Variants in HELZ observed in about 807,000 individuals in gnomAD.
HELZ encodes the protein ATP-dependent RNA helicase with zinc finger domain.
HELZ carries 23 observed loss-of-function variants against 218.2 expected under a neutral mutation model. The observed-to-expected ratio is 0.11, with a 90% confidence interval of 0.08 to 0.15. The LOEUF (loss-of-function observed/expected upper bound fraction) is 0.15, where lower values mean the gene tolerates loss of function less well. Among genes scored for constraint, HELZ ranks in the 10% least tolerant of loss-of-function variants. HELZ has a pLI of 1.00. For missense variants in HELZ, 1,813 were observed against 2,353.7 expected, an observed-to-expected ratio of 0.77 and a Z score of 4.75; for synonymous variants, 814 against 829.4, an observed-to-expected ratio of 0.98 and a Z score of 0.32.
At chr17:67,163,974 C>CTGTAGTA (rs2039064604) in intron 15 of HELZ, among the ~76,000 whole-genome samples, 1 of 152,002 alleles carries the variant, frequency 6.6e-6, no homozygotes, top group African/African-American at 2.4e-5. Flanking sequence ...TTTAAATATA[C>CTGTAGTA]TACATCATAT....
intron 31 of HELZ, among the ~76,000 whole-genome samples, chr17:67,103,623 TTC>T (rs1389908486): frequency 1.4e-4 from 21 of 152,320 alleles, no homozygotes; most frequent in Middle Eastern, 3.4e-3. Context: ...GATGTCCATG[TTC>T]AGGTACTCGA....
intron 3 of HELZ, among the ~76,000 whole-genome samples, chr17:67,229,384 C>T (rs1235974020): frequency 6.6e-6 from 1 of 152,108 alleles, no homozygotes; most frequent in African/African-American, 2.4e-5. Flanking sequence ...TTAACGAATG[C>T]TTCAACATCT....
chr17:67,160,569 G>A (rs1567852030), intron 16 of HELZ, among the ~76,000 whole-genome samples: 1 of 152,050 alleles, frequency 6.6e-6, no homozygotes, highest in Non-Finnish European at 1.5e-5. Flanking sequence ...TTATTTTTAA[G>A]TCTATCATAT....
At chr17:67,201,705 C>T (rs756423669) in intron 6 of HELZ, among the ~76,000 whole-genome samples, 2 of 152,056 alleles carry the variant, frequency 1.3e-5, no homozygotes, top group Non-Finnish European at 2.9e-5. Flanking sequence ...ACTCTTTACT[C>T]GTTTTAAATT....
At chr17:67,167,442 A>C (rs1315973992) in intron 14 of HELZ, 21 bp downstream of exon 14, 1 of 1,556,690 alleles carries the variant, frequency 6.4e-7, no homozygotes, top group East Asian at 2.2e-5. Flanking sequence ...ACTATGGTTA[A>C]GCTGCAACCT....
intron 9 of HELZ, among the ~76,000 whole-genome samples, chr17:67,193,699 G>A (rs1165667823): frequency 2.0e-5 from 3 of 152,134 alleles, no homozygotes; most frequent in African/African-American, 7.2e-5. Flanking sequence ...CTGGGCAATA[G>A]GGCGAGACTC....
At chr17:67,192,914 CA>C (rs2039934183) in intron 9 of HELZ, among the ~76,000 whole-genome samples, 1 of 152,136 alleles carries the variant, frequency 6.6e-6, no homozygotes, top group Non-Finnish European at 1.5e-5. Flanking sequence ...ATAAATTCTA[CA>C]TAAGAATTAC....
intron 24 of HELZ, 116 bp downstream of exon 24, chr17:67,128,535 G>T: frequency 1.1e-6 from 1 of 916,596 alleles, no homozygotes. Flanking sequence ...ACCGCTTGCC[G>T]CCAAATGTAA....
chr17:67,193,887 T>C, intron 9 of HELZ, 80 bp downstream of exon 9: 2 of 1,012,102 alleles, frequency 2.0e-6, no homozygotes, highest in Non-Finnish European at 3.0e-6. Flanking sequence ...AATAAACCAT[T>C]TTACTCCATT....
At chr17:67,124,106 C>T in intron 24 of HELZ, 92 bp from the exon 25 acceptor site, 1 of 795,780 alleles carries the variant, frequency 1.3e-6, no homozygotes, top group Non-Finnish European at 2.1e-6. Context: ...AATTAATGTA[C>T]ACATCAATAA....
At chr17:67,173,782 C>T (rs975539256) in intron 13 of HELZ, among the ~76,000 whole-genome samples, 1 of 151,260 alleles carries the variant, frequency 6.6e-6, no homozygotes, top group Non-Finnish European at 1.5e-5. Flanking sequence ...ACCCCACACC[C>T]ATCTAACGAT....
intron 5 of HELZ, among the ~76,000 whole-genome samples, chr17:67,212,520 T>A (rs568092769): frequency 6.6e-6 from 1 of 152,048 alleles, no homozygotes; most frequent in Admixed American, 6.6e-5. Flanking sequence ...AAAATAATGT[T>A]ACTAAAAGTT....
intron 16 of HELZ, 99 bp downstream of exon 16, chr17:67,160,798 T>G (rs1598345147): frequency 1.2e-6 from 1 of 815,086 alleles, no homozygotes; most frequent in Non-Finnish European, 1.8e-6. Flanking sequence ...GTTTAAGAGC[T>G]GCATGAAAAC....
intron 1 of HELZ, chr17:67,244,863 G>A (rs866915715): frequency 6.1e-6 from 6 of 985,670 alleles, no homozygotes; most frequent in Middle Eastern, 1.0e-3. Context: ...CGGGCCAGGC[G>A]TGCAAGGCCC....
At position 67,107,705 on chromosome 17, in the gene HELZ, T is replaced by A; in HGVS notation, c.4725-20A>T. 1 of 1,590,170 alleles carries A rather than the reference T, an allele frequency of 6.3e-7. No individual in the cohort carries two copies. Among genetic ancestry groups the A allele is most frequent in the Non-Finnish European group, 8.5e-7 (1 of 1,170,008 alleles). ...TGAAACCTACATGAAAACAATAAAA[T>A]ATGAGGAGAAAACAAAAGGCTCCAT... On this transcript the variant is annotated intron_variant, in intron 30 of 32. Coordinates refer to ENST00000358691, the MANE Select transcript of HELZ (RefSeq NM_014877.4).
intron 1 of HELZ, chr17:67,244,805 G>A (rs2041431453): frequency 1.0e-6 from 1 of 985,246 alleles, no homozygotes. Flanking sequence ...GGAGGCTCGA[G>A]TCCCCCTCCC....
upstream of HELZ, chr17:67,245,430 C>T (rs1471818514): frequency 2.1e-6 from 2 of 951,468 alleles, no homozygotes; most frequent in African/African-American, 3.5e-5. Flanking sequence ...CTTTCTCCTG[C>T]CCCGGCCTCC....
intron 7 of HELZ, among the ~76,000 whole-genome samples, chr17:67,195,869 T>TTTTTG (rs1567881766): frequency 7.4e-6 from 1 of 134,820 alleles, no homozygotes. Context: ...TTTTTTTTTT[T>TTTTTG]GGGACAAAGT....
intron 5 of HELZ, among the ~76,000 whole-genome samples, chr17:67,205,439 A>G (rs2040271539): frequency 6.6e-6 from 1 of 152,188 alleles, no homozygotes; most frequent in Non-Finnish European, 1.5e-5. Context: ...TAGCTACTTC[A>G]TAAGGTTGTG....
Sources: allele counts gnomAD v4.1 joint callset (sites outside exome capture counted in the v4.1 genomes callset), GRCh38; gene constraint gnomAD v4.1.1; transcripts MANE v1.5; gene names NCBI Gene and HGNC (gene_info 2026-07-23, HGNC 2026-07-21).